Variants in ATP10B observed in about 807,000 individuals in gnomAD.
ATP10B encodes phospholipid-transporting ATPase VB.
ATP10B carries 122 observed loss-of-function variants against 141.2 expected under a neutral mutation model. That is an observed-to-expected ratio of 0.86 (90% confidence interval 0.75 to 1.00). ATP10B has a LOEUF of 1.00. Ranked by LOEUF, ATP10B falls within the 50% of genes least tolerant of loss-of-function variation. The pLI, the probability that ATP10B is intolerant of heterozygous loss-of-function variation, is 0.00. For synonymous variants in ATP10B, 685 were observed against 692.0 expected (o/e 0.99, Z 0.16); for missense variants, 1,876 against 1,825.3 (o/e 1.03, Z -0.51).
At chr5:160,650,402 T>A (rs1760648845) in intron 7 of ATP10B, among the ~76,000 whole-genome samples, 1 of 152,054 alleles carries the variant, frequency 6.6e-6, no homozygotes, top group South Asian at 2.1e-4. Flanking sequence ...GTAACAAAGA[T>A]CCCACCAAGG....
chr5:160,873,687 C>T, the ATP10B span, among the ~76,000 whole-genome samples: 19 of 152,220 alleles, frequency 1.2e-4, no homozygotes, highest in East Asian at 2.3e-3. Context: ...GCACTGTGCG[C>T]GAGCCAAAGC....
intron 24 of ATP10B, among the ~76,000 whole-genome samples, chr5:160,586,152 C>T (rs1755884285): frequency 1.3e-5 from 2 of 152,132 alleles, no homozygotes; most frequent in South Asian, 4.2e-4. Flanking sequence ...TGACAGTCCC[C>T]AGTGTGTGTT....
intron 6 of ATP10B, among the ~76,000 whole-genome samples, chr5:160,680,298 GAA>G (rs35725565): frequency 6.7e-6 from 1 of 148,462 alleles, no homozygotes; most frequent in Admixed American, 6.7e-5. Context: ...TTGCTTCCCA[GAA>G]AAAAAAAAAT....
the ATP10B span, among the ~76,000 whole-genome samples, chr5:160,878,274 C>T: frequency 6.0e-5 from 9 of 151,040 alleles, no homozygotes; most frequent in African/African-American, 2.2e-4. Context: ...GAAAAACAAG[C>T]AATGGGGAAA....
intron 2 of ATP10B, among the ~76,000 whole-genome samples, chr5:160,748,773 A>T (rs528518778): frequency 6.6e-6 from 1 of 152,338 alleles, no homozygotes; most frequent in Admixed American, 6.5e-5. Context: ...GGAAATTATT[A>T]TGCAGCCATA....
At chr5:160,802,554 C>A (rs1772449817) in intron 1 of ATP10B, among the ~76,000 whole-genome samples, 2 of 152,182 alleles carry the variant, frequency 1.3e-5, no homozygotes, top group Non-Finnish European at 2.9e-5. Context: ...GTCATCTCCC[C>A]AACAAAACAT....
At chr5:160,868,519 G>C in the ATP10B span, among the ~76,000 whole-genome samples, 7 of 75,238 alleles carry the variant, frequency 9.3e-5, no homozygotes, top group East Asian at 1.9e-3. Context: ...CATATGAACA[G>C]ATACACACAC....
chr5:160,802,497 C>A (rs941453368), intron 1 of ATP10B, among the ~76,000 whole-genome samples: 2 of 152,164 alleles, frequency 1.3e-5, no homozygotes, highest in African/African-American at 2.4e-5. Context: ...ACAATGCCTG[C>A]GATATTGTTA....
chr5:160,803,179 T>G (rs1313540370), intron 1 of ATP10B, among the ~76,000 whole-genome samples: 1 of 152,202 alleles, frequency 6.6e-6, no homozygotes, highest in Non-Finnish European at 1.5e-5. Context: ...TTTTTCCTTT[T>G]TGTTGAAGGA....
chr5:160,572,964 G>A (rs1168293053), intron 24 of ATP10B, among the ~76,000 whole-genome samples: 1 of 151,710 alleles, frequency 6.6e-6, no homozygotes, highest in Non-Finnish European at 1.5e-5. Flanking sequence ...GTGTGTATCA[G>A]TCTGACACGT....
At chr5:160,867,529 A>T in the ATP10B span, among the ~76,000 whole-genome samples, 1 of 152,150 alleles carries the variant, frequency 6.6e-6, no homozygotes, top group Non-Finnish European at 1.5e-5. Flanking sequence ...CAAGGAACTA[A>T]ATCTCAGGTT....
intron 24 of ATP10B, among the ~76,000 whole-genome samples, chr5:160,584,868 G>GT (rs1755790949): frequency 6.6e-6 from 1 of 151,994 alleles, no homozygotes; most frequent in Non-Finnish European, 1.5e-5. Flanking sequence ...TCTCCTTCAG[G>GT]TTTTTTGAAG....
At chr5:160,775,996 T>G (rs924139063) in intron 2 of ATP10B, among the ~76,000 whole-genome samples, 3 of 152,278 alleles carry the variant, frequency 2.0e-5, no homozygotes, top group Admixed American at 2.0e-4. Flanking sequence ...CTCACAGGGC[T>G]TTTGGAGAGA....
At chr5:160,848,830 C>T (rs974707831) in intron 1 of ATP10B, among the ~76,000 whole-genome samples, 9 of 152,144 alleles carry the variant, frequency 5.9e-5, no homozygotes, top group East Asian at 1.9e-4. Context: ...TGATATAATA[C>T]GTGAGTATCA....
rs116572478 is a variant in ATP10B, at chr5:160,832,157, T to C, written c.-576+19784A>G. ...CAGAGCAGTATGAGATCACATTGTG[T>C]TTATTATCACCTTTTAAAATAAGCC... is the stretch of plus-strand genomic sequence containing the variant. On this transcript the variant is annotated intron_variant, in intron 1 of 25. Coordinates refer to ENST00000327245, the MANE Select transcript of ATP10B (RefSeq NM_025153.3). 6.0e-3 allele frequency among the ~76,000 whole-genome samples: 913 copies of C among 152,232 alleles called. 13 individuals carry two copies. The highest frequency in any genetic ancestry group is 0.021 in the African/African-American group (870 of 41,562).
intron 3 of ATP10B, among the ~76,000 whole-genome samples, chr5:160,700,496 A>T (rs964388292): frequency 9.2e-5 from 14 of 152,226 alleles, no homozygotes; most frequent in African/African-American, 3.4e-4. Context: ...TTTCTTCCCC[A>T]AACGGCAGCC....
At chr5:160,627,005 T>TTCC (rs1021213521) in intron 13 of ATP10B, among the ~76,000 whole-genome samples, 1 of 152,038 alleles carries the variant, frequency 6.6e-6, no homozygotes, top group South Asian at 2.1e-4. Context: ...ATGTCTCTAT[T>TTCC]TCCTCCTCCT....
At position 160,816,596 on chromosome 5, in the gene ATP10B, T is replaced by C. The variant is rs1773651850; in HGVS notation, c.-575-30793A>G. On this transcript the variant is annotated intron_variant, in intron 1 of 25. Coordinates refer to ENST00000327245, the MANE Select transcript of ATP10B (RefSeq NM_025153.3). ...GTACAAGGAGGGGCTGGTACCATACTTTCTGAAACTATTCCAATCAACAGA... is the reference window on the plus strand; with the variant it reads ...GTACAAGGAGGGGCTGGTACCATACCTTCTGAAACTATTCCAATCAACAGA... Among the ~76,000 whole-genome samples, 5 of 152,114 alleles carry C rather than the reference T, an allele frequency of 3.3e-5. No individual in the cohort carries two copies. The South Asian group carries it at 8.3e-4, about 25-fold the overall frequency.
At chr5:160,819,752 G>T (rs1773958559) in intron 1 of ATP10B, among the ~76,000 whole-genome samples, 1 of 152,208 alleles carries the variant, frequency 6.6e-6, no homozygotes, top group African/African-American at 2.4e-5. Context: ...ATGTTAAGTT[G>T]TTATCAGCTT....
Sources: allele counts gnomAD v4.1 joint callset (sites outside exome capture counted in the v4.1 genomes callset), GRCh38; gene constraint gnomAD v4.1.1; transcripts MANE v1.5; gene names NCBI Gene and HGNC (gene_info 2026-07-23, HGNC 2026-07-21).